The following TPCN1 variants were observed in gnomAD, a reference collection of about 807,000 sequenced individuals.
The protein encoded by TPCN1 is two pore segment channel 1.
A neutral mutation model predicts 108.8 loss-of-function variants in TPCN1; 52 were observed. The observed-to-expected ratio is 0.48, with a 90% confidence interval of 0.38 to 0.60. The LOEUF (loss-of-function observed/expected upper bound fraction) is 0.60, where lower values mean the gene tolerates loss of function less well. Ranked by LOEUF, TPCN1 falls within the 20% of genes least tolerant of loss-of-function variation. The pLI is 0.00. For synonymous variants in TPCN1, 446 were observed against 433.7 expected (o/e 1.03, Z -0.35); for missense variants, 806 against 1,072.8 (o/e 0.75, Z 3.47).
rs1314335109 is a variant in TPCN1, at chr12:113,236,620, GAAA to G, written c.112+9667_112+9669del. Among the ~76,000 whole-genome samples the G allele has an allele frequency of 2.2e-5, 3 of 135,272 alleles. 1 individual carries two copies. In the South Asian group the frequency reaches 7.2e-4, roughly 32 times the overall value. 88.7% of individuals were successfully genotyped at this position (135,272 alleles called of 152,430 possible). A position where few individuals can be genotyped will look rare whatever the true frequency, so the allele number is the denominator to read the frequency against. ...ACAGAGCAAGACCCTGTCTCAAAAA[GAAA>G]AAAAAAAAAAGAAGTAGGAACTCTT... On this transcript the variant is annotated intron_variant, in intron 2 of 27. Coordinates refer to ENST00000335509, the MANE Select transcript of TPCN1 (RefSeq NM_017901.6).
chr12:113,278,114 C>T (rs1178501508), intron 12 of TPCN1, 75 bp from the exon 13 acceptor site: 2 of 1,321,650 alleles, frequency 1.5e-6, no homozygotes, highest in Admixed American at 1.7e-5. Flanking sequence ...TGTCCATAGG[C>T]AGGCAAGTAA....
In TPCN1 at chr12:113,273,443, T is replaced by C; in HGVS notation, c.843-126T>C. 8.1e-7 allele frequency: 1 copy of C among 1,228,650 alleles called. No homozygotes were observed. Among genetic ancestry groups the C allele is most frequent in the Non-Finnish European group, 1.2e-6 (1 of 833,308 alleles). The allele number at this position is 1,228,650 out of a possible 1,614,324, so 76.1% of individuals were successfully genotyped here. Reference sequence around the variant, plus strand: ...GCCCACTGAGCACGGAGCCCAGGGATGAGAGTAGGGGAACCAGGGTTGGAG... The same window carrying C: ...GCCCACTGAGCACGGAGCCCAGGGACGAGAGTAGGGGAACCAGGGTTGGAG... On this transcript the variant is annotated intron_variant, in intron 9 of 27. Transcript: ENST00000335509. The surrounding 1 kb of genome is among the most constrained non-coding windows in gnomAD (Gnocchi z 4.0).
intron 2 of TPCN1, among the ~76,000 whole-genome samples, chr12:113,260,144 C>T (rs542445340): frequency 1.3e-5 from 2 of 152,162 alleles, no homozygotes; most frequent in African/African-American, 2.4e-5. Context: ...ACTATTTGTA[C>T]TCTTTTGTAC....
intron 3 of TPCN1, among the ~76,000 whole-genome samples, chr12:113,261,628 C>T (rs562859465): frequency 1.3e-5 from 2 of 152,044 alleles, no homozygotes; most frequent in Non-Finnish European, 2.9e-5. Flanking sequence ...GGGGTTTCGC[C>T]ATGTTGGCCA....
Position 113,273,241 on chromosome 12 carries a change from A to G in TPCN1, c.793A>G (p.Thr265Ala). The change falls in exon 9 of 28, where the codon ACC becomes GCC. Residue 265 changes from threonine to alanine, a missense_variant. Physicochemically the swap from Thr to Ala is moderately conservative, Grantham distance 58. Coordinates refer to ENST00000335509, the MANE Select transcript of TPCN1 (RefSeq NM_017901.6). The surrounding 1 kb of genome is among the most constrained non-coding windows in gnomAD (Gnocchi z 4.0). Reference protein sequence around the residue: ...SPNPSDPYFSTLENSIVSLFV... With the variant: ...SPNPSDPYFSALENSIVSLFV... ...CTCTCTTCCCTTGCAGTACTTCAGCACCCTGGAGAACAGCATCGTCAGTCT... is the reference window on the plus strand; with the variant it reads ...CTCTCTTCCCTTGCAGTACTTCAGCGCCCTGGAGAACAGCATCGTCAGTCT... 1 of 1,614,196 alleles carries G rather than the reference A, an allele frequency of 6.2e-7. No individual in the cohort carries two copies. The highest frequency in any genetic ancestry group is 8.5e-7 in the Non-Finnish European group (1 of 1,180,036).
chr12:113,290,285 C>CCACCCTTGT (rs760841665), intron 22 of TPCN1, 42 bp downstream of exon 22: 4 of 1,383,108 alleles, frequency 2.9e-6, no homozygotes, highest in Non-Finnish European at 4.0e-6. Flanking sequence ...CCTGGGGACC[C>CCACCCTTGT]CACCCTTGTC....
intron 15 of TPCN1, 109 bp downstream of exon 15, chr12:113,280,304 A>T (rs1955843945): frequency 1.3e-6 from 1 of 798,956 alleles, no homozygotes; most frequent in Non-Finnish European, 2.0e-6. Flanking sequence ...TTGACTTTTT[A>T]TTGTGGGGAA....
intron 2 of TPCN1, among the ~76,000 whole-genome samples, chr12:113,245,600 C>CA (rs766002477): frequency 0.11 from 4,824 of 42,328 alleles, 252 homozygotes; most frequent in Middle Eastern, 0.18. Context: ...GACTCCGTCT[C>CA]AAAAAAAAAA....
Position 113,289,169 on chromosome 12 carries a change from G to A in TPCN1, c.1796+322G>A, listed in dbSNP as rs1307571474. The stretch of plus-strand genomic sequence containing the variant: ...CTCCCACTTCTCTCCTGGAGTGGCT[G>A]GGGACCTGGGCCAAGACCAGTCTTC... On this transcript the variant is annotated intron_variant, in intron 21 of 27. Coordinates refer to ENST00000335509, the MANE Select transcript of TPCN1 (RefSeq NM_017901.6). This position sits in a 1 kb window ranked among gnomAD's most constrained non-coding sequence, Gnocchi z 4.1. Among the ~76,000 whole-genome samples, 2 of 152,208 alleles carry A rather than the reference G, an allele frequency of 1.3e-5. No homozygotes were observed. The highest frequency in any genetic ancestry group is 2.9e-5 in the Non-Finnish European group (2 of 68,034).
intron 27 of TPCN1, among the ~76,000 whole-genome samples, chr12:113,295,463 A>T (rs1819948589): frequency 6.7e-6 from 1 of 150,288 alleles, no homozygotes; most frequent in Admixed American, 6.6e-5. Context: ...AAAAAAAAAA[A>T]GGAAATGTGG....
At chr12:113,247,460 C>A (rs890295867) in intron 2 of TPCN1, among the ~76,000 whole-genome samples, 5 of 152,268 alleles carry the variant, frequency 3.3e-5, no homozygotes, top group African/African-American at 1.2e-4. Flanking sequence ...AGCATACCTT[C>A]TGCGGGAACA....
chr12:113,224,815 ATC>A (rs1461806480), intron 1 of TPCN1, among the ~76,000 whole-genome samples: 1 of 152,034 alleles, frequency 6.6e-6, no homozygotes, highest in African/African-American at 2.4e-5. Context: ...GCAGTGCACC[ATC>A]TCGGCTCACT....
intron 27 of TPCN1, among the ~76,000 whole-genome samples, chr12:113,294,626 CAAAAA>C (rs368650271): frequency 0.23 from 22,194 of 95,484 alleles, 2,270 homozygotes; most frequent in African/African-American, 0.38. Context: ...GACTCTGTCT[CAAAAA>C]AAAAAAAAAA....
At chr12:113,255,692 A>C in intron 2 of TPCN1, among the ~76,000 whole-genome samples, 1 of 132,612 alleles carries the variant, frequency 7.5e-6, no homozygotes, top group African/African-American at 2.8e-5. Context: ...TGCCCGGCTA[A>C]TTTTTTGTAT....
rs767768992 is a variant in TPCN1 at position 113,269,718 on chromosome 12, C to T, written c.660-39C>T. 6.3e-6 allele frequency: 10 copies of T among 1,594,888 alleles called. No individual in the cohort carries two copies. In the African/African-American group the frequency reaches 1.2e-4, roughly 19 times the overall value. ...AGGAGGAGTCCCAGGCAGCCCGCCC[C>T]AGCTGGTGCCTCCCCTGAGCTGGCC... On this transcript the variant is annotated intron_variant, in intron 6 of 27. Coordinates refer to ENST00000335509, the MANE Select transcript of TPCN1 (RefSeq NM_017901.6). This position sits in a 1 kb window ranked among gnomAD's most constrained non-coding sequence, Gnocchi z 5.0.
intron 25 of TPCN1, chr12:113,292,302 A>C (rs1047630389): frequency 3.2e-6 from 1 of 310,240 alleles, no homozygotes; most frequent in African/African-American, 2.2e-5. Context: ...TCTGTTAGTC[A>C]TCTCCACGTT....
chr12:113,292,009 C>CTCTG lies in TPCN1; in HGVS notation c.2113+64_2113+67dup, dbSNP rs542237198. The stretch of plus-strand genomic sequence containing the variant: ...CATTTGATATCTGCCGCCTACCCAG[C>CTCTG]TCTGTCTGTCTGTCTGGGTGGCTGT... On this transcript the variant is annotated intron_variant, in intron 25 of 27. Transcript: ENST00000335509. The CTCTG allele has an allele frequency of 5.3e-6, 8 of 1,517,746 alleles. No homozygotes were observed. The Admixed American group carries it at 6.7e-5, about 13-fold the overall frequency. 94.0% of individuals were successfully genotyped at this position (1,517,746 alleles called of 1,614,324 possible).
intron 2 of TPCN1, among the ~76,000 whole-genome samples, chr12:113,238,089 T>A (rs192515518): frequency 1.2e-4 from 19 of 152,296 alleles, no homozygotes; most frequent in Admixed American, 2.0e-4. Context: ...CTACCTCTCA[T>A]TTTATCATCC....
At position 113,269,977 on chromosome 12, in the gene TPCN1, A is replaced by G. The variant is rs1286494419; in HGVS notation, c.748+132A>G. 1 of 911,960 alleles carries G rather than the reference A, an allele frequency of 1.1e-6. No individual in the cohort carries two copies. The highest frequency in any genetic ancestry group is 2.5e-5 in the East Asian group (1 of 40,388). 56.5% of individuals were successfully genotyped at this position (911,960 alleles called of 1,614,324 possible). A position where few individuals can be genotyped will look rare whatever the true frequency, so the allele number is the denominator to read the frequency against. ...TTTGGGAGGCCAAGGTGGGTGGGTA[A>G]CCTAGGTCAGGAGTTTGAGGCCAGC... On this transcript the variant is annotated intron_variant, in intron 7 of 27. Coordinates refer to ENST00000335509, the MANE Select transcript of TPCN1 (RefSeq NM_017901.6). The surrounding 1 kb of genome is among the most constrained non-coding windows in gnomAD (Gnocchi z 5.0).
Sources: allele counts gnomAD v4.1 joint callset (sites outside exome capture counted in the v4.1 genomes callset), GRCh38; gene constraint gnomAD v4.1.1; non-coding constraint Gnocchi (gnomAD v3.1); transcripts MANE v1.5; gene names NCBI Gene and HGNC (gene_info 2026-07-23, HGNC 2026-07-21).